The following NDST4 variants were observed in gnomAD, a reference collection of about 807,000 sequenced individuals.
NDST4 encodes N-heparan sulfate sulfotransferase 4.
Under a neutral mutation model 100.8 loss-of-function variants are expected in NDST4, and 63 were observed. The ratio of observed to expected loss-of-function variants is 0.62; its 90% CI spans 0.51 to 0.77. The LOEUF is 0.77. Ranked by LOEUF, NDST4 falls within the 30% of genes least tolerant of loss-of-function variation. The probability of loss-of-function intolerance (pLI) is 0.00; values close to 1 mark genes in which losing one functional copy is unlikely to be tolerated. For synonymous variants in NDST4, 377 were observed against 361.8 expected, an observed-to-expected ratio of 1.04 and a Z score of -0.48; for missense variants, 943 against 1,018.4, an observed-to-expected ratio of 0.93 and a Z score of 1.01.
At chr4:114,856,074 T>C (rs1044643225) in intron 7 of NDST4, among the ~76,000 whole-genome samples, 1 of 151,990 alleles carries the variant, frequency 6.6e-6, no homozygotes, top group Non-Finnish European at 1.5e-5. Flanking sequence ...TTCTTTCTTT[T>C]TTTTTTTCAA....
chr4:114,893,689 T>C (rs761148347), intron 6 of NDST4, among the ~76,000 whole-genome samples: 41 of 152,314 alleles, frequency 2.7e-4, no homozygotes, highest in African/African-American at 8.2e-4. Flanking sequence ...CTTCTTTAGG[T>C]TGCCTATTCA....
At chr4:114,946,020 C>T (rs1370652013) in intron 4 of NDST4, among the ~76,000 whole-genome samples, 1 of 152,148 alleles carries the variant, frequency 6.6e-6, no homozygotes, top group Non-Finnish European at 1.5e-5. Flanking sequence ...CTTGAACTTT[C>T]CGATCCTAAG....
intron 2 of NDST4, among the ~76,000 whole-genome samples, chr4:115,068,740 C>T (rs1355360125): frequency 6.7e-6 from 1 of 150,142 alleles, no homozygotes; most frequent in African/African-American, 2.4e-5. Flanking sequence ...TAGCACGAAC[C>T]CGGAGGTGGA....
intron 2 of NDST4, among the ~76,000 whole-genome samples, chr4:115,062,496 C>T (rs910740954): frequency 6.6e-6 from 1 of 151,460 alleles, no homozygotes; most frequent in African/African-American, 2.4e-5. Flanking sequence ...ATATATTTAA[C>T]TACAATAAAA....
intron 2 of NDST4, among the ~76,000 whole-genome samples, chr4:115,007,042 A>G (rs1201126571): frequency 3.3e-5 from 5 of 152,190 alleles, no homozygotes; most frequent in Admixed American, 2.6e-4. Context: ...TAAAGCATTC[A>G]GCCTCAGGGC....
intron 7 of NDST4, among the ~76,000 whole-genome samples, chr4:114,857,937 A>C (rs899410062): frequency 6.6e-6 from 1 of 152,044 alleles, no homozygotes; most frequent in Admixed American, 6.5e-5. Context: ...ACCAGAGAGC[A>C]TTTTATGTAG....
At chr4:114,841,767 T>G (rs1312232032) in intron 10 of NDST4, among the ~76,000 whole-genome samples, 1 of 152,232 alleles carries the variant, frequency 6.6e-6, no homozygotes, top group Non-Finnish European at 1.5e-5. Flanking sequence ...ACATAATTCT[T>G]GTACCTTGTG....
At chr4:115,001,037 T>G (rs527471972) in intron 2 of NDST4, among the ~76,000 whole-genome samples, 5 of 152,190 alleles carry the variant, frequency 3.3e-5, no homozygotes, top group Admixed American at 3.3e-4. Flanking sequence ...CATGACCCAC[T>G]CTTCATCTCC....
chr4:115,017,311 G>C (rs570764394), intron 2 of NDST4, among the ~76,000 whole-genome samples: 23 of 152,022 alleles, frequency 1.5e-4, no homozygotes, highest in South Asian at 4.1e-4. Flanking sequence ...ATACTTTGGG[G>C]TTCCACAGAA....
At chr4:114,980,692 G>A (rs1427366206) in intron 2 of NDST4, among the ~76,000 whole-genome samples, 1 of 150,382 alleles carries the variant, frequency 6.6e-6, no homozygotes, top group Non-Finnish European at 1.5e-5. Flanking sequence ...AATGCGTTTA[G>A]AGCTTTGACA....
chr4:114,953,898 A>T (rs1168521747), intron 4 of NDST4, among the ~76,000 whole-genome samples: 2 of 152,192 alleles, frequency 1.3e-5, no homozygotes, highest in African/African-American at 4.8e-5. Flanking sequence ...TTAAACTGCT[A>T]TAAAATGCCA....
At chr4:114,877,373 A>G (rs1470465169) in intron 6 of NDST4, among the ~76,000 whole-genome samples, 1 of 152,112 alleles carries the variant, frequency 6.6e-6, no homozygotes, top group Admixed American at 6.5e-5. Flanking sequence ...TTCAATATGT[A>G]TATCTATGCA....
At chr4:114,938,372 T>A (rs1045493527) in intron 4 of NDST4, among the ~76,000 whole-genome samples, 1 of 152,212 alleles carries the variant, frequency 6.6e-6, no homozygotes, top group Non-Finnish European at 1.5e-5. Context: ...AAAACAAGTA[T>A]AAATTTAAAC....
At chr4:114,959,494 AG>A (rs1726212596) in intron 4 of NDST4, among the ~76,000 whole-genome samples, 1 of 152,200 alleles carries the variant, frequency 6.6e-6, no homozygotes, top group African/African-American at 2.4e-5. Context: ...ACATGGTGGC[AG>A]GCAATAGGGC....
At chr4:114,964,350 G>GAA (rs771240355) in intron 4 of NDST4, among the ~76,000 whole-genome samples, 4 of 152,130 alleles carry the variant, frequency 2.6e-5, no homozygotes, top group Non-Finnish European at 5.9e-5. Context: ...GAGAAATCCT[G>GAA]AACTGCAGGA....
intron 2 of NDST4, among the ~76,000 whole-genome samples, chr4:115,056,895 T>G (rs1029601558): frequency 3.4e-5 from 4 of 118,334 alleles, no homozygotes; most frequent in African/African-American, 5.4e-5. Flanking sequence ...TTTTGAAAAC[T>G]ATGTTATAGT....
At chr4:115,069,328 T>C (rs751445643) in intron 2 of NDST4, among the ~76,000 whole-genome samples, 10 of 152,016 alleles carry the variant, frequency 6.6e-5, no homozygotes, top group Admixed American at 2.6e-4. Flanking sequence ...ACAAAGAACA[T>C]TGAAATAAGA....
chr4:114,967,311 T>C (rs1726404794), intron 4 of NDST4, among the ~76,000 whole-genome samples: 1 of 152,134 alleles, frequency 6.6e-6, no homozygotes, highest in Non-Finnish European at 1.5e-5. Context: ...ATATTTGGAC[T>C]ATGTAAAATA....
At position 114,829,722 on chromosome 4, in the gene NDST4, T is replaced by C. The variant is rs188273902; in HGVS notation, c.2499+68A>G. On this transcript the variant is annotated intron_variant, in intron 13 of 13. Coordinates refer to ENST00000264363, the MANE Select transcript of NDST4 (RefSeq NM_022569.3). ...CAGAAAAAGGAAGCAAATTTCTTGT[T>C]ACTAGTTTTGAAATAGCTGTTTGCA... The C allele has an allele frequency of 3.8e-3, 4,220 of 1,122,228 alleles. 18 individuals are homozygous for C. Among genetic ancestry groups the C allele is most frequent in the Non-Finnish European group, 4.7e-3 (3,683 of 775,890 alleles). The allele number at this position is 1,122,228 out of a possible 1,614,324, so 69.5% of individuals were successfully genotyped here. A position where few individuals can be genotyped will look rare whatever the true frequency, so the allele number is the denominator to read the frequency against.
Sources: allele counts gnomAD v4.1 joint callset (sites outside exome capture counted in the v4.1 genomes callset), GRCh38; gene constraint gnomAD v4.1.1; transcripts MANE v1.5; gene names NCBI Gene and HGNC (gene_info 2026-07-23, HGNC 2026-07-21).